The following GRID2 variants were observed in gnomAD, a reference collection of about 807,000 sequenced individuals.
GRID2 encodes the protein glutamate receptor ionotropic, delta-2.
Under a neutral mutation model 114.8 loss-of-function variants are expected in GRID2, and 33 were observed. That is an observed-to-expected ratio of 0.29 (90% CI 0.22 to 0.38). GRID2 has a LOEUF of 0.38. Ranked by LOEUF, GRID2 falls within the 10% of genes least tolerant of loss-of-function variation. GRID2 has a pLI of 1.00. For missense variants in GRID2, 1,184 were observed against 1,257.7 expected, an observed-to-expected ratio of 0.94 and a Z score of 0.89; for synonymous variants, 505 against 449.9, an observed-to-expected ratio of 1.12 and a Z score of -1.55.
At chr4:93,523,944 T>C (rs1240002585) in intron 13 of GRID2, among the ~76,000 whole-genome samples, 1 of 152,106 alleles carries the variant, frequency 6.6e-6, no homozygotes, top group Non-Finnish European at 1.5e-5. Context: ...ATGTCGGCCA[T>C]ATCCTCTTTT....
intron 1 of GRID2, among the ~76,000 whole-genome samples, chr4:92,353,356 C>A (rs2110187683): frequency 6.6e-6 from 1 of 151,662 alleles, no homozygotes; most frequent in South Asian, 2.1e-4. Flanking sequence ...TGTCTATTTA[C>A]TTTCTTCCTT....
intron 2 of GRID2, among the ~76,000 whole-genome samples, chr4:92,767,821 A>G (rs753400366): frequency 6.6e-6 from 1 of 151,798 alleles, no homozygotes; most frequent in Non-Finnish European, 1.5e-5. Context: ...CAGGAGAATC[A>G]CTTGAGGCCA....
intron 13 of GRID2, among the ~76,000 whole-genome samples, chr4:93,560,912 T>A (rs1003744883): frequency 1.7e-4 from 26 of 150,408 alleles, no homozygotes; most frequent in Admixed American, 1.2e-3. Flanking sequence ...ATAAATATTT[T>A]TATTTAATAT....
intron 1 of GRID2, among the ~76,000 whole-genome samples, chr4:93,798,167 A>AG (rs1350670587): frequency 6.6e-6 from 1 of 152,092 alleles, no homozygotes; most frequent in African/African-American, 2.4e-5. Context: ...AAGAAAAAAA[A>AG]TAAAAAATAA....
chr4:92,856,195 T>G (rs921953741), intron 2 of GRID2, among the ~76,000 whole-genome samples: 3 of 152,070 alleles, frequency 2.0e-5, no homozygotes, highest in Non-Finnish European at 2.9e-5. Context: ...TGATTCTTCC[T>G]TGTTCCTTGC....
intron 8 of GRID2, among the ~76,000 whole-genome samples, chr4:93,278,574 A>G (rs2149581614): frequency 6.6e-6 from 1 of 152,118 alleles, no homozygotes; most frequent in Middle Eastern, 3.4e-3. Context: ...TCCACAAAAT[A>G]GTTTCAGGAT....
intron 2 of GRID2, among the ~76,000 whole-genome samples, chr4:93,047,341 T>C (rs1726245289): frequency 6.6e-6 from 1 of 152,134 alleles, no homozygotes; most frequent in Non-Finnish European, 1.5e-5. Context: ...AACAATAATG[T>C]GTCAATATTG....
Position 92,918,259 on chromosome 4 carries a change from G to A in GRID2, c.245-166736G>A, listed in dbSNP as rs144847705. 3.6e-3 allele frequency among the ~76,000 whole-genome samples: 549 copies of A among 152,238 alleles called. 3 individuals are homozygous for A. Among genetic ancestry groups the A allele is most frequent in the African/African-American group, 0.012 (514 of 41,564 alleles). On this transcript the variant is annotated intron_variant, in intron 2 of 15. Transcript: ENST00000282020. ...GCTTAAGGATATATTGGGCTGAGAC[G>A]ATGGGATTTTCTAGATATACAATCA...
At chr4:93,454,208 A>G (rs533615122) in intron 10 of GRID2, among the ~76,000 whole-genome samples, 21 of 152,252 alleles carry the variant, frequency 1.4e-4, no homozygotes, top group African/African-American at 4.8e-4. Flanking sequence ...TAATGTAAAT[A>G]GTACAGTTTA....
chr4:92,498,929 A>T (rs1316412295), intron 1 of GRID2, among the ~76,000 whole-genome samples: 3 of 522 alleles, frequency 5.7e-3, no homozygotes, highest in East Asian at 0.1. Flanking sequence ...TTATTTAGGT[A>T]AAAAAAAAAA....
chr4:93,255,699 C>T (rs1354533628), intron 8 of GRID2, among the ~76,000 whole-genome samples: 3 of 152,090 alleles, frequency 2.0e-5, no homozygotes, highest in Non-Finnish European at 4.4e-5. Context: ...TTGGACATGT[C>T]TACTTCCCCT....
At chr4:93,017,962 C>G (rs557544360) in intron 2 of GRID2, among the ~76,000 whole-genome samples, 143 of 139,252 alleles carry the variant, frequency 1.0e-3, no homozygotes, top group African/African-American at 3.7e-3. Context: ...AATTAACCAA[C>G]AGGTTACAGA....
At chr4:93,791,070 A>G (rs888088606) in intron 1 of GRID2, among the ~76,000 whole-genome samples, 15 of 152,268 alleles carry the variant, frequency 9.9e-5, no homozygotes, top group Admixed American at 5.9e-4. Flanking sequence ...AGTGTAAAAT[A>G]CAATAAAAGC....
intron 1 of GRID2, among the ~76,000 whole-genome samples, chr4:92,523,249 A>G (rs560601962): frequency 6.6e-6 from 1 of 152,184 alleles, no homozygotes; most frequent in South Asian, 2.1e-4. Flanking sequence ...TCTGAAATCA[A>G]GAGTGCAGAT....
intron 1 of GRID2, among the ~76,000 whole-genome samples, chr4:92,413,476 A>G (rs1731437180): frequency 6.6e-6 from 1 of 152,188 alleles, no homozygotes; most frequent in Admixed American, 6.5e-5. Flanking sequence ...TATCCAAGTC[A>G]GTAGTAAGAT....
intron 1 of GRID2, among the ~76,000 whole-genome samples, chr4:92,422,150 A>C (rs990686859): frequency 2.2e-4 from 34 of 152,048 alleles, no homozygotes; most frequent in Admixed American, 2.0e-3. Flanking sequence ...TGTAATGTGA[A>C]TCTTTCAGCT....
At chr4:93,402,431 A>G (rs1206402306) in intron 9 of GRID2, among the ~76,000 whole-genome samples, 1 of 152,178 alleles carries the variant, frequency 6.6e-6, no homozygotes, top group African/African-American at 2.4e-5. Flanking sequence ...TTCTACATAC[A>G]TTATCTCTGC....
chr4:93,777,483 G>T (rs952217249), downstream of GRID2, among the ~76,000 whole-genome samples: 6 of 152,160 alleles, frequency 3.9e-5, no homozygotes, highest in African/African-American at 1.4e-4. Flanking sequence ...ATGAAGAAGA[G>T]AAACTAGCTG....
chr4:93,337,254 T>C (rs1289389217), intron 8 of GRID2, among the ~76,000 whole-genome samples: 2 of 152,230 alleles, frequency 1.3e-5, no homozygotes, highest in African/African-American at 4.8e-5. Flanking sequence ...TGAATTTTAC[T>C]GTACTTGCAG....
Sources: allele counts gnomAD v4.1 joint callset (sites outside exome capture counted in the v4.1 genomes callset), GRCh38; gene constraint gnomAD v4.1.1; transcripts MANE v1.5; gene names NCBI Gene and HGNC (gene_info 2026-07-23, HGNC 2026-07-21).